Variants in ITLN1 observed in about 807,000 individuals in gnomAD.
ITLN1 encodes the protein intelectin-1.
A neutral mutation model predicts 36.2 loss-of-function variants in ITLN1; 29 were observed. The observed-to-expected ratio is 0.80, with a 90% confidence interval of 0.60 to 1.09. The LOEUF (loss-of-function observed/expected upper bound fraction) is 1.09, where lower values mean the gene tolerates loss of function less well. ITLN1 is among the 50% of genes least tolerant of loss of function. ITLN1 has a pLI of 0.00. For synonymous variants in ITLN1, 143 were observed against 146.5 expected, an observed-to-expected ratio of 0.98 and a Z score of 0.17; for missense variants, 358 against 405.2, an observed-to-expected ratio of 0.88 and a Z score of 1.00.
Position 160,882,148 on chromosome 1 carries a change from T to C in ITLN1, c.214A>G (p.Met72Val), listed in dbSNP as rs1447431085. The C allele has an allele frequency of 9.9e-6, 16 of 1,611,892 alleles. No individual in the cohort carries two copies. The highest frequency in any genetic ancestry group is 2.2e-5 in the East Asian group (1 of 44,866). Residue 72 changes from methionine (M) to valine (V), a missense_variant, in exon 4 of 8, where the codon ATG becomes GTG. By Grantham distance (21) the Met-to-Val change is conservative (BLOSUM62 1). Transcript: ENST00000326245. ...NGVIYQTFCDMTSGGGGWTLV... is the reference protein window; with the variant it reads ...NGVIYQTFCDVTSGGGGWTLV... ...GTCCAGCCGCCACCCCCAGAGGTCATGTCACAGAAGGTCTGGTAGATAACA... is the reference window on the plus strand; with the variant it reads ...GTCCAGCCGCCACCCCCAGAGGTCACGTCACAGAAGGTCTGGTAGATAACA...
chr1:160,884,972 A>G (rs1259177306), intron 1 of ITLN1, 89 bp from the exon 2 acceptor site: 8 of 790,320 alleles, frequency 1.0e-5, no homozygotes, highest in Non-Finnish European at 1.7e-5. Context: ...CAAAGACTCC[A>G]AAACCCCTTG....
chr1:160,882,066 C>T lies in ITLN1; in HGVS notation c.296G>A (p.Arg99His), dbSNP rs769308793. Reference protein sequence around the residue: ...DMRGKCTVGDRWSSQQGSKAV... With the variant: ...DMRGKCTVGDHWSSQQGSKAV... Reference sequence around the variant, plus strand: ...TTTGCTGCCCTGCTGACTGGACCAGCGATCGCCCACCGTGCACTTCCCACG... The same window carrying T: ...TTTGCTGCCCTGCTGACTGGACCAGTGATCGCCCACCGTGCACTTCCCACG... The change falls in exon 4 of 8, where the codon CGC (arginine) becomes CAC (histidine). Residue 99 changes from arginine (R) to histidine (H), a missense_variant. By Grantham distance (29) the Arg-to-His change is conservative (BLOSUM62 0). Transcript: ENST00000326245. 9.9e-6 allele frequency: 16 copies of T among 1,614,018 alleles called. No homozygotes were observed. The highest frequency in any genetic ancestry group is 1.4e-5 in the Non-Finnish European group (16 of 1,180,048).
intron 6 of ITLN1, among the ~76,000 whole-genome samples, chr1:160,880,107 C>T (rs946386089): frequency 6.6e-6 from 1 of 152,012 alleles, no homozygotes; most frequent in Non-Finnish European, 1.5e-5. Context: ...GAGTTGGAGA[C>T]CAGCCTGGCC....
intron 4 of ITLN1, 54 bp downstream of exon 4, chr1:160,881,903 C>T: frequency 6.2e-7 from 1 of 1,613,008 alleles, no homozygotes; most frequent in Non-Finnish European, 8.5e-7. Flanking sequence ...AGGCTTGTGG[C>T]CAGCCACACT....
In ITLN1 at chr1:160,876,594, G is replaced by T; in HGVS notation, c.*70C>A. 1 of 1,467,896 alleles carries T rather than the reference G, an allele frequency of 6.8e-7. No individual in the cohort carries two copies. The highest frequency in any genetic ancestry group is 9.5e-7 in the Non-Finnish European group (1 of 1,057,416). The allele number at this position is 1,467,896 out of a possible 1,614,324, so 90.9% of individuals were successfully genotyped here. ...TCTGCCATTAACATTCTAGCTACTGGGTAAGTTGTTCTCCATCCTTGGGAT... is the reference window on the plus strand; with the variant it reads ...TCTGCCATTAACATTCTAGCTACTGTGTAAGTTGTTCTCCATCCTTGGGAT... On this transcript the variant is annotated 3_prime_UTR_variant, in exon 8 of 8. Transcript: ENST00000326245.
Position 160,876,798 on chromosome 1 carries a change from C to G in ITLN1, c.808G>C (p.Gly270Arg). 3.1e-6 allele frequency: 5 copies of G among 1,614,192 alleles called. No homozygotes were observed. Among genetic ancestry groups the G allele is most frequent in the Non-Finnish European group, 4.2e-6 (5 of 1,180,004 alleles). The change falls in exon 8 of 8, where the codon GGA (glycine) becomes CGA (arginine). Residue 270 changes from glycine to arginine, a missense_variant. Coordinates refer to ENST00000326245, the MANE Select transcript of ITLN1 (RefSeq NM_017625.3). ...NTEHHCIGGG[G>R]YFPEASPQQC... The stretch of plus-strand genomic sequence containing the variant: ...TGGGGACTGGCCTCTGGAAAGTATC[C>G]TCCTCCACCAATGCAGTGCTGGGAA...
rs148939374 is a variant in ITLN1 at position 160,881,154 on chromosome 1, C to A, written c.564G>T (p.Gln188His). 771 of 1,606,468 alleles carry A rather than the reference C, an allele frequency of 4.8e-4. 1 individual carries two copies. Among genetic ancestry groups the A allele is most frequent in the Non-Finnish European group, 6.2e-4 (730 of 1,176,018 alleles). The change falls in exon 5 of 8, where the codon CAG becomes CAT. Residue 188 changes from glutamine (Q) to histidine (H), a missense_variant and splice_region_variant. Physicochemically the swap from Gln to His is conservative, Grantham distance 24. Transcript: ENST00000326245. Reference sequence around the variant, plus strand: ...AGTCCCAGCCAGCAGCCTTCTGTACCTGGTAGATGCCAAACAGATTATGTC... The same window carrying A: ...AGTCCCAGCCAGCAGCCTTCTGTACATGGTAGATGCCAAACAGATTATGTC... ...TLGHNLFGIY[Q>H]KYPVKYGEGK...
Position 160,884,966 on chromosome 1 carries a change from G to A in ITLN1, c.-6-83C>T. The stretch of plus-strand genomic sequence containing the variant: ...CCCCACCCCTGTCCAGTCTTACAAA[G>A]ACTCCAAAACCCCTTGCCTTTTGTT... On this transcript the variant is annotated intron_variant, in intron 1 of 7. Transcript: ENST00000326245. 3.5e-6 allele frequency: 3 copies of A among 865,968 alleles called. No homozygotes were observed. In the South Asian group the frequency reaches 4.4e-5, roughly 13 times the overall value. 53.6% of individuals were successfully genotyped at this position (865,968 alleles called of 1,614,324 possible). A position where few individuals can be genotyped will look rare whatever the true frequency, so the allele number is the denominator to read the frequency against.
chr1:160,881,796 C>T (rs1475749382), intron 4 of ITLN1, among the ~76,000 whole-genome samples, 161 bp downstream of exon 4: 7 of 109,836 alleles, frequency 6.4e-5, no homozygotes, highest in African/African-American at 2.0e-4. Context: ...AGTAAGACTC[C>T]GTCTCAAGAA....
At chr1:160,883,370 C>T in intron 3 of ITLN1, 58 bp downstream of exon 3, 1 of 1,185,508 alleles carries the variant, frequency 8.4e-7, no homozygotes, top group Non-Finnish European at 1.3e-6. Context: ...AAAAAGACTC[C>T]CAGAAGACAC....
chr1:160,878,282 A>G (rs1670623116), intron 7 of ITLN1, among the ~76,000 whole-genome samples: 2 of 152,274 alleles, frequency 1.3e-5, no homozygotes, highest in Admixed American at 6.5e-5. Flanking sequence ...AGGCTTTCCC[A>G]GAAGCCGAAG....
intron 4 of ITLN1, 110 bp downstream of exon 4, chr1:160,881,847 T>C: frequency 1.4e-6 from 2 of 1,418,220 alleles, no homozygotes; most frequent in Non-Finnish European, 1.9e-6. Flanking sequence ...TTCTCTCTTC[T>C]TCTCCAGCCC....
intron 7 of ITLN1, among the ~76,000 whole-genome samples, chr1:160,877,833 C>T (rs1557854735): frequency 1.3e-5 from 2 of 152,208 alleles, no homozygotes; most frequent in Non-Finnish European, 2.9e-5. Context: ...ATGCCGTCCT[C>T]ATGATAGTGA....
rs145206585 is a variant in ITLN1 at position 160,882,020 on chromosome 1, G to A, written c.342C>T (p.Asp114=). The A allele has an allele frequency of 1.0e-3, 1,669 of 1,613,992 alleles. 14 individuals are homozygous for A. Among genetic ancestry groups the A allele is most frequent in the Middle Eastern group, 7.9e-3 (48 of 6,060 alleles). ...AGGTGTTGTAGTTGGCCCAGTTGCC[G>A]TCCCCCTCTGGGTAGACTGCTTTGC... ...QGSKAVYPEG[D]GNWANYNTFG... is the part of the protein sequence containing the mutation. The change falls in exon 4 of 8, where the codon GAC becomes GAT. Residue 114 remains aspartate (D), a synonymous_variant. Coordinates refer to ENST00000326245, the MANE Select transcript of ITLN1 (RefSeq NM_017625.3).
chr1:160,879,435 A>G (rs1287744082), intron 6 of ITLN1, 21 bp from the exon 7 acceptor site: 1 of 1,595,260 alleles, frequency 6.3e-7, no homozygotes, highest in East Asian at 2.2e-5. Flanking sequence ...GAGGCAGAAA[A>G]CAGCATTCAA....
At chr1:160,884,492 C>T (rs1670726915) in intron 2 of ITLN1, among the ~76,000 whole-genome samples, 2 of 152,016 alleles carry the variant, frequency 1.3e-5, no homozygotes, top group South Asian at 4.1e-4. Context: ...GTGGAGAGAA[C>T]ATTCTCCAGG....
chr1:160,876,931 G>T, intron 7 of ITLN1, 115 bp from the exon 8 acceptor site: 2 of 1,055,100 alleles, frequency 1.9e-6, no homozygotes, highest in Non-Finnish European at 2.8e-6. Context: ...TCCATTGACA[G>T]TGTTGATCTA....
chr1:160,881,409 A>G (rs918391544), intron 4 of ITLN1, 97 bp from the exon 5 acceptor site: 3 of 1,397,560 alleles, frequency 2.1e-6, no homozygotes, highest in Non-Finnish European at 2.9e-6. Context: ...AGAGCTCTGG[A>G]CTCCAGATGA....
At chr1:160,880,288 A>G (rs1670654853) in intron 6 of ITLN1, among the ~76,000 whole-genome samples, 1 of 143,604 alleles carries the variant, frequency 7.0e-6, no homozygotes, top group South Asian at 2.3e-4. Flanking sequence ...CTGGGCAACA[A>G]CAGCAAAACT....
Sources: gnomAD v4.1 joint callset for allele counts (sites outside exome capture counted in the v4.1 genomes callset) on GRCh38, gnomAD v4.1.1 for gene constraint, MANE v1.5 for transcripts, NCBI Gene and HGNC (gene_info 2026-07-23, HGNC 2026-07-21) for gene names.